The following PCDHA10 variants were observed in gnomAD, a reference collection of about 807,000 sequenced individuals.
PCDHA10 encodes the protein protocadherin alpha-10.
Under a neutral mutation model 61.2 loss-of-function variants are expected in PCDHA10, and 45 were observed. That is an observed-to-expected ratio of 0.74 (90% CI 0.58 to 0.94). The LOEUF (loss-of-function observed/expected upper bound fraction) is 0.94. PCDHA10 is among the 40% of genes least tolerant of loss of function. The pLI is 0.00. For synonymous variants in PCDHA10, 602 were observed against 548.8 expected (o/e 1.10, Z -1.35); for missense variants, 1,278 against 1,236.2 (o/e 1.03, Z -0.51).
intron 1 of PCDHA10, among the ~76,000 whole-genome samples, chr5:140,959,868 C>A (rs532801353): frequency 8.5e-5 from 13 of 152,248 alleles, no homozygotes; most frequent in African/African-American, 2.9e-4. Flanking sequence ...GTAGCAAAAT[C>A]TGTCAAGGAA....
intron 1 of PCDHA10, chr5:140,870,529 G>A (rs2052113654): frequency 6.2e-7 from 1 of 1,614,096 alleles, no homozygotes. Context: ...CATCTTCACA[G>A]TGTCGGCGCG....
intron 1 of PCDHA10, among the ~76,000 whole-genome samples, chr5:140,930,790 A>G (rs155822): frequency 0.047 from 7,177 of 152,302 alleles, 299 homozygotes; most frequent in African/African-American, 0.11. Context: ...ACAATATAAT[A>G]GAATCCAGCA....
At chr5:140,951,682 C>T (rs1327606119) in intron 1 of PCDHA10, among the ~76,000 whole-genome samples, 1 of 152,146 alleles carries the variant, frequency 6.6e-6, no homozygotes, top group East Asian at 1.9e-4. Flanking sequence ...TTGGGGATTA[C>T]AATGTGACAT....
At chr5:140,876,155 T>A in intron 1 of PCDHA10, 1 of 1,613,994 alleles carries the variant, frequency 6.2e-7, no homozygotes, top group Non-Finnish European at 8.5e-7. Context: ...TCTGTCCAGA[T>A]TCAAATAACC....
chr5:140,858,325 G>A lies in PCDHA10; in HGVS notation c.2277G>A (p.Gly759=). The part of the protein sequence containing the change: ...SQQRRQRVCS[G]EGLPKADLMA... ...AGAGGCGGCAGAGGGTGTGTTCTGGGGAGGGCCTGCCCAAGGCGGACCTCA... is the reference window on the plus strand; with the variant it reads ...AGAGGCGGCAGAGGGTGTGTTCTGGAGAGGGCCTGCCCAAGGCGGACCTCA... Residue 759 remains glycine (G), a synonymous_variant, in exon 1 of 4, where the codon GGG becomes GGA. Transcript: ENST00000307360. 6.3e-7 allele frequency: 1 copy of A among 1,596,768 alleles called. No individual in the cohort carries two copies. The highest frequency in any genetic ancestry group is 8.6e-7 in the Non-Finnish European group (1 of 1,166,762).
intron 1 of PCDHA10, among the ~76,000 whole-genome samples, chr5:140,915,075 A>G (rs111889109): frequency 6.6e-6 from 1 of 151,436 alleles, no homozygotes; most frequent in South Asian, 2.1e-4. Context: ...CCTACTGAGT[A>G]GCTGGGACTA....
chr5:140,950,671 A>G (rs1222424193), intron 1 of PCDHA10, among the ~76,000 whole-genome samples: 2 of 152,074 alleles, frequency 1.3e-5, no homozygotes, highest in Non-Finnish European at 2.9e-5. Context: ...TCAAACATGT[A>G]CATGTATATT....
At chr5:140,959,602 C>CTT (rs1554224184) in intron 1 of PCDHA10, among the ~76,000 whole-genome samples, 1 of 152,008 alleles carries the variant, frequency 6.6e-6, no homozygotes, top group African/African-American at 2.4e-5. Context: ...GTATAACATG[C>CTT]TTTTCTTGCT....
intron 1 of PCDHA10, among the ~76,000 whole-genome samples, chr5:140,910,150 T>G (rs555048323): frequency 6.6e-6 from 1 of 152,354 alleles, no homozygotes; most frequent in South Asian, 2.1e-4. Flanking sequence ...GGAAATTGAT[T>G]GAGGGGAAAT....
At chr5:140,925,690 G>A (rs1029124411) in intron 1 of PCDHA10, among the ~76,000 whole-genome samples, 6 of 149,642 alleles carry the variant, frequency 4.0e-5, no homozygotes, top group African/African-American at 7.4e-5. Context: ...GCGAGGGTGG[G>A]TATCTAGCCT....
intron 3 of PCDHA10, among the ~76,000 whole-genome samples, chr5:141,008,816 C>T (rs2098391999): frequency 6.6e-6 from 1 of 152,190 alleles, no homozygotes; most frequent in African/African-American, 2.4e-5. Context: ...GCTCAATTTA[C>T]AACAGGATTC....
chr5:140,861,018 C>T (rs1263823889), intron 1 of PCDHA10: 1 of 152,248 alleles, frequency 6.6e-6, no homozygotes, highest in South Asian at 2.1e-4. Context: ...CGAGTGCCAC[C>T]GCACCCGGCC....
At chr5:140,872,573 C>T (rs1400699707) in intron 1 of PCDHA10, among the ~76,000 whole-genome samples, 1 of 152,068 alleles carries the variant, frequency 6.6e-6, no homozygotes, top group African/African-American at 2.4e-5. Flanking sequence ...GCTGCAGTGA[C>T]CTATCATCGT....
At chr5:140,882,332 G>T (rs782439110) in intron 1 of PCDHA10, 20 of 1,614,060 alleles carry the variant, frequency 1.2e-5, no homozygotes, top group Non-Finnish European at 1.7e-5. Flanking sequence ...TCTGATCCTC[G>T]CAGCCTGGGA....
At chr5:140,902,203 C>CTTTTTTTTT (rs148688132) in intron 1 of PCDHA10, among the ~76,000 whole-genome samples, 1 of 124,460 alleles carries the variant, frequency 8.0e-6, no homozygotes. Flanking sequence ...CTCTCTCTTT[C>CTTTTTTTTT]TTTTTTTTTT....
At chr5:140,898,003 G>A (rs2066458535) in intron 1 of PCDHA10, among the ~76,000 whole-genome samples, 1 of 152,152 alleles carries the variant, frequency 6.6e-6, no homozygotes, top group Non-Finnish European at 1.5e-5. Context: ...AGAAGTGTCT[G>A]TTCATATCCT....
intron 1 of PCDHA10, chr5:140,928,749 T>A: frequency 1.2e-6 from 2 of 1,614,194 alleles, no homozygotes; most frequent in Non-Finnish European, 1.7e-6. Flanking sequence ...GTGAGCTCCG[T>A]ACTGCTCGCT....
intron 1 of PCDHA10, among the ~76,000 whole-genome samples, chr5:140,964,925 T>C (rs1586044682): frequency 6.6e-6 from 1 of 152,148 alleles, no homozygotes; most frequent in African/African-American, 2.4e-5. Flanking sequence ...ACTGGCTAGG[T>C]AGTGGAGCAT....
chr5:140,968,150 A>C, intron 1 of PCDHA10: 1 of 1,614,180 alleles, frequency 6.2e-7, no homozygotes. Context: ...GATCTCTGAC[A>C]TCAATGACAA....
Sources: allele counts gnomAD v4.1 joint callset (sites outside exome capture counted in the v4.1 genomes callset), GRCh38; gene constraint gnomAD v4.1.1; transcripts MANE v1.5; gene names NCBI Gene and HGNC (gene_info 2026-07-23, HGNC 2026-07-21).